The following RASAL2 variants were observed in gnomAD, a reference collection of about 807,000 sequenced individuals.
RASAL2 encodes the protein ras GTPase-activating protein nGAP.
In RASAL2, 58 loss-of-function variants were observed where a neutral mutation model predicts 128.9. The ratio of observed to expected loss-of-function variants is 0.45; its 90% confidence interval spans 0.36 to 0.56. The LOEUF is 0.56. Ranked by LOEUF, RASAL2 falls within the 20% of genes least tolerant of loss-of-function variation. RASAL2 has a pLI of 0.00. For missense variants in RASAL2, 1,360 were observed against 1,601.6 expected (o/e 0.85, Z 2.57); for synonymous variants, 561 against 580.8 (o/e 0.97, Z 0.49).
intron 1 of RASAL2, among the ~76,000 whole-genome samples, chr1:178,106,993 G>A (rs901273756): frequency 2.6e-5 from 4 of 152,026 alleles, no homozygotes; most frequent in African/African-American, 9.7e-5. Context: ...ATATTATTCT[G>A]TTTACCTGTG....
In RASAL2 at chr1:178,261,913, C is replaced by CAAA. The variant is rs35870834; in HGVS notation, c.203-21637_203-21635dup. Reference sequence around the variant, plus strand: ...CCTGGGTGACAGAGTGAGACTGTCTCAAAAAAAAAAAAAAAAGTGTTGATG... The same window carrying CAAA: ...CCTGGGTGACAGAGTGAGACTGTCTCAAAAAAAAAAAAAAAAAAAGTGTTGATG... On this transcript the variant is annotated intron_variant, in intron 1 of 17. Transcript: ENST00000367649. Among the ~76,000 whole-genome samples the CAAA allele has an allele frequency of 5.4e-4, 46 of 84,566 alleles. 1 individual carries two copies. The highest frequency in any genetic ancestry group is 1.7e-3 in the East Asian group (5 of 3,028). 55.5% of individuals were successfully genotyped at this position (84,566 alleles called of 152,430 possible).
intron 1 of RASAL2, among the ~76,000 whole-genome samples, chr1:178,199,657 G>A (rs1662795399): frequency 6.6e-6 from 1 of 152,124 alleles, no homozygotes. Flanking sequence ...ATGTGAATAT[G>A]TATGTTTCAT....
intron 1 of RASAL2, among the ~76,000 whole-genome samples, chr1:178,185,682 T>G (rs1662267640): frequency 6.6e-6 from 1 of 152,026 alleles, no homozygotes; most frequent in Admixed American, 6.6e-5. Context: ...GTTTATATGG[T>G]GGATTACATT....
chr1:178,149,051 T>A (rs1324723724), intron 1 of RASAL2, among the ~76,000 whole-genome samples: 1 of 152,118 alleles, frequency 6.6e-6, no homozygotes, highest in East Asian at 1.9e-4. Context: ...ACAGAAGTAT[T>A]TTATTAAGGA....
intron 4 of RASAL2, among the ~76,000 whole-genome samples, chr1:178,413,988 G>GA (rs896119349): frequency 6.6e-6 from 1 of 151,868 alleles, no homozygotes; most frequent in African/African-American, 2.4e-5. Context: ...AAAGACTGCA[G>GA]AAAAAACAAA....
At chr1:178,222,502 A>G (rs1663647664) in intron 1 of RASAL2, among the ~76,000 whole-genome samples, 1 of 152,078 alleles carries the variant, frequency 6.6e-6, no homozygotes, top group South Asian at 2.1e-4. Context: ...ATCATTTTAC[A>G]GATACTGCAT....
intron 1 of RASAL2, among the ~76,000 whole-genome samples, chr1:178,270,627 C>CTT (rs34462041): frequency 2.9e-5 from 4 of 138,434 alleles, no homozygotes; most frequent in Non-Finnish European, 3.1e-5. Context: ...CTGTGTCTCT[C>CTT]TTTTTTTTTT....
chr1:178,155,074 T>G (rs1352503036), intron 1 of RASAL2, among the ~76,000 whole-genome samples: 2 of 152,126 alleles, frequency 1.3e-5, no homozygotes, highest in Admixed American at 1.3e-4. Flanking sequence ...CCACCCGCCT[T>G]GGCCTCCCAA....
intron 3 of RASAL2, chr1:178,341,673 TA>T: frequency 1.9e-6 from 3 of 1,606,320 alleles, no homozygotes; most frequent in African/African-American, 1.3e-5. Context: ...TGTGGCTTTT[TA>T]AAAATTACAC....
chr1:178,415,872 C>T (rs1674717182), intron 4 of RASAL2, among the ~76,000 whole-genome samples: 1 of 152,064 alleles, frequency 6.6e-6, no homozygotes, highest in Non-Finnish European at 1.5e-5. Flanking sequence ...ATTAATATAG[C>T]TATGCCTGCT....
In RASAL2 at chr1:178,474,297, A is replaced by C. The variant is rs1648523715; in HGVS notation, c.*1058A>C. 1 of 152,628 alleles carries C rather than the reference A, an allele frequency of 6.6e-6. No individual in the cohort carries two copies. The highest frequency in any genetic ancestry group is 1.5e-5 in the Non-Finnish European group (1 of 68,048). 9.5% of individuals were successfully genotyped at this position (152,628 alleles called of 1,614,324 possible). On this transcript the variant is annotated 3_prime_UTR_variant, in exon 18 of 18. Transcript: ENST00000367649. ...AAAAATTTTTTCTATGTGTTGTTAT[A>C]ATTTTTGTTTGGGATAAAGACTCTA...
intron 1 of RASAL2, among the ~76,000 whole-genome samples, chr1:178,131,093 A>G (rs1469737798): frequency 6.6e-6 from 1 of 150,414 alleles, no homozygotes. Flanking sequence ...ACCAAAAAAA[A>G]ACATGTGTTA....
intron 3 of RASAL2, among the ~76,000 whole-genome samples, chr1:178,309,150 T>C (rs1010601158): frequency 1.3e-5 from 2 of 152,160 alleles, no homozygotes; most frequent in Admixed American, 6.6e-5. Context: ...TTAATACATA[T>C]AAAGATCAAA....
chr1:178,135,797 C>G (rs316267), intron 1 of RASAL2, among the ~76,000 whole-genome samples: 94,062 of 152,034 alleles, frequency 0.62, 32,237 homozygotes, highest in East Asian at 0.8. Context: ...TCCCATCTTA[C>G]ATGGATGGCA....
chr1:178,253,201 G>A (rs761898212), intron 1 of RASAL2, among the ~76,000 whole-genome samples: 6 of 152,048 alleles, frequency 3.9e-5, no homozygotes, highest in Non-Finnish European at 8.8e-5. Context: ...TGTCTCCGGT[G>A]TCACATGGCT....
intron 3 of RASAL2, among the ~76,000 whole-genome samples, chr1:178,359,385 A>T (rs1482670759): frequency 6.6e-6 from 1 of 152,202 alleles, no homozygotes; most frequent in African/African-American, 2.4e-5. Flanking sequence ...ATTTCTCCCA[A>T]GTCACAAAAG....
chr1:178,307,620 A>C lies in RASAL2; in HGVS notation c.457+7502A>C, dbSNP rs530665103. Reference sequence around the variant, plus strand: ...TTTAAAAAAACCAAAGCTATCAAATAGCTTGCAAGAACTCTGAGAAGGGGG... The same window carrying C: ...TTTAAAAAAACCAAAGCTATCAAATCGCTTGCAAGAACTCTGAGAAGGGGG... On this transcript the variant is annotated intron_variant, in intron 3 of 17. Coordinates refer to ENST00000367649, the MANE Select transcript of RASAL2 (RefSeq NM_170692.4). Among the ~76,000 whole-genome samples, 3 of 152,364 alleles carry C rather than the reference A, an allele frequency of 2.0e-5. No individual in the cohort carries two copies. In the East Asian group the frequency reaches 5.8e-4, roughly 29 times the overall value.
At chr1:178,291,547 T>G (rs924086731) in intron 2 of RASAL2, among the ~76,000 whole-genome samples, 2 of 152,226 alleles carry the variant, frequency 1.3e-5, no homozygotes, top group Admixed American at 1.3e-4. Context: ...GTGTTTATGT[T>G]CTGCCATTAT....
intron 14 of RASAL2, among the ~76,000 whole-genome samples, chr1:178,460,921 C>T (rs1678153052): frequency 6.6e-6 from 1 of 152,144 alleles, no homozygotes; most frequent in South Asian, 2.1e-4. Context: ...TCAAGCAGTT[C>T]TCCTGTCTCA....
Sources: allele counts gnomAD v4.1 joint callset (sites outside exome capture counted in the v4.1 genomes callset), GRCh38; gene constraint gnomAD v4.1.1; transcripts MANE v1.5; gene names NCBI Gene and HGNC (gene_info 2026-07-23, HGNC 2026-07-21).